IQGAP2: variants seen among roughly 807,000 people sequenced by gnomAD.
IQGAP2 encodes the protein ras GTPase-activating-like protein IQGAP2.
A neutral mutation model predicts 201.3 loss-of-function variants in IQGAP2; 173 were observed. The observed-to-expected ratio is 0.86, with a 90% CI of 0.76 to 0.98. IQGAP2 has a LOEUF of 0.98. Among genes scored for constraint, IQGAP2 ranks in the 50% least tolerant of loss-of-function variants. The pLI is 0.00. For missense variants in IQGAP2, 1,687 were observed against 1,864.8 expected (o/e 0.90, Z 1.76); for synonymous variants, 675 against 673.9 (o/e 1.00, Z -0.03).
At chr5:76,610,114 ATTTTTTTTTT>A (rs34917876) in intron 12 of IQGAP2, among the ~76,000 whole-genome samples, 2 of 9,888 alleles carry the variant, frequency 2.0e-4, no homozygotes, top group African/African-American at 9.0e-4. Context: ...ATATATATAT[ATTTTTTTTTT>A]TTTTTTTTTT....
At chr5:76,654,347 A>G in intron 19 of IQGAP2, 76 bp downstream of exon 19, 2 of 946,202 alleles carry the variant, frequency 2.1e-6, no homozygotes, top group Non-Finnish European at 3.3e-6. Flanking sequence ...GTTAGCATTG[A>G]ATGATTTTTA....
At chr5:76,491,595 C>T (rs1368467117) in intron 2 of IQGAP2, among the ~76,000 whole-genome samples, 1 of 152,152 alleles carries the variant, frequency 6.6e-6, no homozygotes, top group African/African-American at 2.4e-5. Context: ...TGAGCCACCG[C>T]ACCTGGCCGA....
intron 2 of IQGAP2, among the ~76,000 whole-genome samples, chr5:76,511,579 T>G (rs1757962948): frequency 6.6e-6 from 1 of 152,184 alleles, no homozygotes; most frequent in Admixed American, 6.5e-5. Flanking sequence ...TCATGTTCCA[T>G]CTACTGAGAC....
intron 33 of IQGAP2, among the ~76,000 whole-genome samples, chr5:76,699,063 G>T (rs909917657): frequency 6.6e-6 from 1 of 151,942 alleles, no homozygotes; most frequent in African/African-American, 2.4e-5. Context: ...CTGTGCAATA[G>T]ATTTCAAAAA....
In IQGAP2 at chr5:76,461,625, G is replaced by A. The variant is rs373606679; in HGVS notation, c.102G>A (p.Gln34=). The A allele has an allele frequency of 1.9e-5, 31 of 1,614,092 alleles. 1 individual carries two copies. In the African/African-American group the frequency reaches 2.0e-4, roughly 10 times the overall value. ...SAEEMDERRR[Q]NIAYEYLCHL... ...AGGAGATGGATGAGAGGAGGCGGCAGAACATTGCTTATGAATATCTGTGCC... is the reference window on the plus strand; with the variant it reads ...AGGAGATGGATGAGAGGAGGCGGCAAAACATTGCTTATGAATATCTGTGCC... Residue 34 remains glutamine (Q), a synonymous_variant, in exon 2 of 36, where the codon CAG becomes CAA. Transcript: ENST00000274364.
intron 2 of IQGAP2, 108 bp downstream of exon 2, chr5:76,461,777 A>G (rs1269391659): frequency 1.4e-6 from 1 of 738,736 alleles, no homozygotes; most frequent in Non-Finnish European, 2.3e-6. Context: ...CAGCAATTCT[A>G]AAGAGTTGTC....
At chr5:76,420,929 T>C (rs977186893) in intron 1 of IQGAP2, among the ~76,000 whole-genome samples, 8 of 152,226 alleles carry the variant, frequency 5.3e-5, no homozygotes, top group African/African-American at 1.9e-4. Context: ...CTGAATAATA[T>C]CCCATTGTAG....
At chr5:76,703,593 A>T (rs1170284445) in intron 35 of IQGAP2, among the ~76,000 whole-genome samples, 1 of 151,820 alleles carries the variant, frequency 6.6e-6, no homozygotes. Flanking sequence ...TTATTTTATC[A>T]TAAGAGCCAC....
At chr5:76,500,943 C>T (rs1757239947) in intron 2 of IQGAP2, among the ~76,000 whole-genome samples, 1 of 152,068 alleles carries the variant, frequency 6.6e-6, no homozygotes, top group South Asian at 2.1e-4. Context: ...ACAGAGTATG[C>T]CAAAGGACTG....
At chr5:76,699,646 TCTCTCTCTCTC>T (rs1747114265) in intron 33 of IQGAP2, 1 of 128,828 alleles carries the variant, frequency 7.8e-6, no homozygotes, top group Admixed American at 7.9e-5. Context: ...TCTCTCTCTC[TCTCTCTCTCTC>T]TCTCACTCTC....
At chr5:76,578,453 C>T (rs1384521499) in intron 5 of IQGAP2, among the ~76,000 whole-genome samples, 1 of 152,094 alleles carries the variant, frequency 6.6e-6, no homozygotes, top group Non-Finnish European at 1.5e-5. Flanking sequence ...GCTGGGACTA[C>T]AGGCACGCAC....
At chr5:76,416,491 G>GTGC (rs1751410161) in intron 1 of IQGAP2, among the ~76,000 whole-genome samples, 1 of 152,084 alleles carries the variant, frequency 6.6e-6, no homozygotes, top group East Asian at 1.9e-4. Flanking sequence ...TTAGACTGAG[G>GTGC]TGCCACTTAC....
intron 11 of IQGAP2, among the ~76,000 whole-genome samples, chr5:76,605,881 A>T (rs1010185095): frequency 5.3e-5 from 8 of 152,240 alleles, no homozygotes; most frequent in African/African-American, 1.9e-4. Flanking sequence ...ATTAGTAACT[A>T]GGGAAAAGTA....
intron 13 of IQGAP2, among the ~76,000 whole-genome samples, chr5:76,620,493 C>T (rs2069665): frequency 0.015 from 2,251 of 152,100 alleles, 53 homozygotes; most frequent in African/African-American, 0.052. Context: ...GAGACAGGAT[C>T]GGGGAGAAGC....
At chr5:76,527,506 T>G (rs1561439312) in intron 2 of IQGAP2, among the ~76,000 whole-genome samples, 1 of 152,218 alleles carries the variant, frequency 6.6e-6, no homozygotes, top group Non-Finnish European at 1.5e-5. Flanking sequence ...AATTCTAACC[T>G]AGTGTGGCTT....
intron 29 of IQGAP2, 146 bp from the exon 30 acceptor site, chr5:76,683,630 T>A: frequency 3.4e-6 from 2 of 596,916 alleles, no homozygotes; most frequent in South Asian, 7.3e-5. Flanking sequence ...CCACTTTAGC[T>A]ATAGTAGAAT....
At position 76,638,002 on chromosome 5, in the gene IQGAP2, C is replaced by A. The variant is rs371248587; in HGVS notation, c.1923+826C>A. On this transcript the variant is annotated intron_variant, in intron 16 of 35. Transcript: ENST00000274364. ...TACTTATTGAAAGCAATTTGTCCCT[C>A]CTCTCATCTCTTTTTAACCAAACTA... 2.6e-5 allele frequency among the ~76,000 whole-genome samples: 4 copies of A among 152,304 alleles called. No homozygotes were observed. The East Asian group carries it at 7.7e-4, about 29-fold the overall frequency.
At chr5:76,446,537 G>A (rs1436060734) in intron 1 of IQGAP2, among the ~76,000 whole-genome samples, 2 of 152,154 alleles carry the variant, frequency 1.3e-5, no homozygotes, top group African/African-American at 2.4e-5. Flanking sequence ...ATGTTTACCA[G>A]CAAAGCCCTC....
intron 2 of IQGAP2, among the ~76,000 whole-genome samples, chr5:76,515,335 C>G (rs1383943056): frequency 6.6e-6 from 1 of 152,168 alleles, no homozygotes; most frequent in Non-Finnish European, 1.5e-5. Context: ...AATCTGGTGA[C>G]TATTTTATCA....
Sources: gnomAD v4.1 joint callset for allele counts (sites outside exome capture counted in the v4.1 genomes callset) on GRCh38, gnomAD v4.1.1 for gene constraint, MANE v1.5 for transcripts, NCBI Gene and HGNC (gene_info 2026-07-23, HGNC 2026-07-21) for gene names.